The following SCYL2 variants were observed in gnomAD, a reference collection of about 807,000 sequenced individuals.
SCYL2 encodes SCY1-like protein 2.
SCYL2 carries 36 observed loss-of-function variants against 100.4 expected under a neutral mutation model. That is an observed-to-expected ratio of 0.36 (90% confidence interval 0.27 to 0.47). The LOEUF is 0.47. SCYL2 is among the 20% of genes least tolerant of loss of function. The pLI is 1.00. For missense variants in SCYL2, 902 were observed against 1,083.9 expected (o/e 0.83, Z 2.36); for synonymous variants, 330 against 359.2 (o/e 0.92, Z 0.92).
chr12:100,306,005 T>C (rs1419687153), intron 4 of SCYL2, among the ~76,000 whole-genome samples: 3 of 152,126 alleles, frequency 2.0e-5, no homozygotes, highest in South Asian at 2.1e-4. Context: ...GAAATTGATA[T>C]AGTAATTAAT....
chr12:100,321,083 A>C (rs970426898), intron 10 of SCYL2, among the ~76,000 whole-genome samples: 1 of 152,156 alleles, frequency 6.6e-6, no homozygotes, highest in Non-Finnish European at 1.5e-5. Flanking sequence ...CCACAGGAAC[A>C]TACACCACCA....
rs1383495527 is a variant in SCYL2, at chr12:100,339,054, A to G, written c.2672A>G (p.Gln891Arg). ...GGGACACAGATGAACGTGATAGGAC[A>G]ATCTGCTTTTGGTATGCAGGGTAAT... ...VMGTQMNVIG[Q>R]SAFGMQGNPF... The change falls in exon 18 of 18, where the codon CAA becomes CGA. Residue 891 changes from glutamine (Q) to arginine (R), a missense_variant. Physicochemically the swap from Gln to Arg is conservative, Grantham distance 43. Coordinates refer to ENST00000360820, the MANE Select transcript of SCYL2 (RefSeq NM_017988.6). 2 of 1,613,998 alleles carry G rather than the reference A, an allele frequency of 1.2e-6. No individual in the cohort carries two copies. Among genetic ancestry groups the G allele is most frequent in the African/African-American group, 2.7e-5 (2 of 74,932 alleles).
chr12:100,299,251 C>A (rs1356273510), intron 4 of SCYL2, among the ~76,000 whole-genome samples: 1 of 151,956 alleles, frequency 6.6e-6, no homozygotes, highest in Non-Finnish European at 1.5e-5. Context: ...ACAACAACAA[C>A]AACAAAAATA....
intron 11 of SCYL2, among the ~76,000 whole-genome samples, chr12:100,324,589 T>A (rs1462759977): frequency 6.6e-6 from 1 of 152,176 alleles, no homozygotes; most frequent in Non-Finnish European, 1.5e-5. Context: ...ATTTCTTGGT[T>A]GAAAGGCTTT....
intron 4 of SCYL2, among the ~76,000 whole-genome samples, chr12:100,302,046 T>C (rs992694460): frequency 6.6e-6 from 1 of 152,174 alleles, no homozygotes; most frequent in African/African-American, 2.4e-5. Context: ...TGTCTAGAAA[T>C]GTCATCCATG....
chr12:100,288,070 T>C (rs2096306367), intron 2 of SCYL2, among the ~76,000 whole-genome samples: 1 of 152,130 alleles, frequency 6.6e-6, no homozygotes, highest in African/African-American at 2.4e-5. Context: ...AAAAATGAAA[T>C]TAGATTATGA....
intron 4 of SCYL2, among the ~76,000 whole-genome samples, chr12:100,301,224 T>G (rs932097488): frequency 6.6e-6 from 1 of 152,248 alleles, no homozygotes; most frequent in Non-Finnish European, 1.5e-5. Flanking sequence ...CATTGTAGTT[T>G]TCATTCGTGT....
intron 2 of SCYL2, among the ~76,000 whole-genome samples, chr12:100,283,594 C>T (rs781049010): frequency 2.4e-4 from 37 of 152,118 alleles, no homozygotes; most frequent in Non-Finnish European, 3.8e-4. Context: ...CGTGAGCCAC[C>T]GTGCCCGGCC....
At chr12:100,331,275 T>C (rs1208062879) in intron 13 of SCYL2, among the ~76,000 whole-genome samples, 2 of 152,198 alleles carry the variant, frequency 1.3e-5, no homozygotes, top group Non-Finnish European at 2.9e-5. Context: ...ATTTCTGTTC[T>C]TAGTTCTCAT....
chr12:100,277,105 C>T (rs972466579), intron 1 of SCYL2, among the ~76,000 whole-genome samples: 8 of 152,050 alleles, frequency 5.3e-5, no homozygotes, highest in South Asian at 2.1e-4. Context: ...CAAAGAGAAT[C>T]GTTTGTATTA....
chr12:100,301,613 T>C (rs937733260), intron 4 of SCYL2, among the ~76,000 whole-genome samples: 30 of 152,276 alleles, frequency 2.0e-4, no homozygotes, highest in African/African-American at 7.2e-4. Context: ...AAATGTTCTG[T>C]AAATATCTAT....
intron 3 of SCYL2, among the ~76,000 whole-genome samples, chr12:100,293,979 T>C (rs1175798021): frequency 1.3e-5 from 2 of 151,824 alleles, no homozygotes; most frequent in African/African-American, 4.8e-5. Context: ...TTCCCCACCT[T>C]TCCCCCCTTT....
At chr12:100,307,147 T>C (rs2096335532) in intron 4 of SCYL2, among the ~76,000 whole-genome samples, 1 of 152,212 alleles carries the variant, frequency 6.6e-6, no homozygotes, top group South Asian at 2.1e-4. Context: ...AAAAGTACTT[T>C]AAATTTCATA....
intron 4 of SCYL2, among the ~76,000 whole-genome samples, chr12:100,308,307 A>G (rs1379399740): frequency 6.6e-6 from 1 of 152,248 alleles, no homozygotes; most frequent in African/African-American, 2.4e-5. Context: ...CTATGCAGCC[A>G]TAATAAAGGA....
chr12:100,318,802 C>T (rs988599853), intron 10 of SCYL2, among the ~76,000 whole-genome samples: 1 of 152,172 alleles, frequency 6.6e-6, no homozygotes, highest in Non-Finnish European at 1.5e-5. Context: ...TGTGACCATT[C>T]TTAATGCATG....
chr12:100,294,117 G>C (rs1381851765), intron 3 of SCYL2, among the ~76,000 whole-genome samples: 1 of 132,268 alleles, frequency 7.6e-6, no homozygotes, highest in Admixed American at 7.6e-5. Flanking sequence ...GGGCAGAGGC[G>C]CCCCTCACCT....
chr12:100,315,417 C>G (rs779740584), intron 8 of SCYL2, 141 bp from the exon 9 acceptor site: 51 of 630,130 alleles, frequency 8.1e-5, no homozygotes, highest in Non-Finnish European at 1.2e-4. Flanking sequence ...CCACTTTACT[C>G]TGAAAATATA....
intron 4 of SCYL2, among the ~76,000 whole-genome samples, chr12:100,310,006 GT>G (rs140370696): frequency 6.7e-6 from 1 of 148,334 alleles, no homozygotes; most frequent in African/African-American, 2.5e-5. Flanking sequence ...CTTTTATTTT[GT>G]TTTTTTTTGG....
chr12:100,298,394 G>C (rs1224257846), intron 4 of SCYL2, among the ~76,000 whole-genome samples: 1 of 152,046 alleles, frequency 6.6e-6, no homozygotes, highest in Non-Finnish European at 1.5e-5. Context: ...GGTAACCTTT[G>C]GGGGGTCACT....
Sources: allele counts gnomAD v4.1 joint callset (sites outside exome capture counted in the v4.1 genomes callset), GRCh38; gene constraint gnomAD v4.1.1; transcripts MANE v1.5; gene names NCBI Gene and HGNC (gene_info 2026-07-23, HGNC 2026-07-21).